The following CFAP99 variants were observed in gnomAD, a reference collection of about 807,000 sequenced individuals.
CFAP99 encodes cilia- and flagella-associated protein 99.
CFAP99 carries 84 observed loss-of-function variants against 82.7 expected under a neutral mutation model. The ratio of observed to expected loss-of-function variants is 1.02; its 90% CI spans 0.85 to 1.22. The LOEUF is 1.22. Ranked by LOEUF, CFAP99 falls within the 50% of genes most tolerant of loss-of-function variation. The pLI, the probability that CFAP99 is intolerant of heterozygous loss-of-function variation, is 0.00. For missense variants in CFAP99, 1,059 were observed against 983.5 expected (o/e 1.08, Z -1.03); for synonymous variants, 456 against 429.5 (o/e 1.06, Z -0.76).
intron 8 of CFAP99, 74 bp downstream of exon 8, chr4:2,450,079 C>T: frequency 7.1e-7 from 1 of 1,408,668 alleles, no homozygotes; most frequent in South Asian, 1.2e-5. Flanking sequence ...CCTCCCAACG[C>T]CATCGCAGTG....
chr4:2,460,213 T>C (rs1207778073), exon 14 of CFAP99: 3 of 1,535,868 alleles, frequency 2.0e-6, no homozygotes, highest in Non-Finnish European at 2.6e-6. Flanking sequence ...CGCTGTGCCG[T>C]GCAGCCATGG....
At chr4:2,447,353 G>T (rs1025078062) in intron 6 of CFAP99, among the ~76,000 whole-genome samples, 2 of 152,020 alleles carry the variant, frequency 1.3e-5, no homozygotes, top group Admixed American at 6.6e-5. Context: ...TGGGTGGATG[G>T]GTGGATGGAT....
chr4:2,435,413 T>G (rs1240360754), intron 2 of CFAP99, among the ~76,000 whole-genome samples: 1 of 152,110 alleles, frequency 6.6e-6, no homozygotes, highest in Non-Finnish European at 1.5e-5. Context: ...TATACAAAGT[T>G]AAAAGGCAAA....
intron 2 of CFAP99, among the ~76,000 whole-genome samples, chr4:2,430,783 A>G (rs1223530148): frequency 6.6e-6 from 1 of 152,186 alleles, no homozygotes; most frequent in Non-Finnish European, 1.5e-5. Flanking sequence ...TCTAAAAGAA[A>G]AAAAATGAGC....
exon 3 of CFAP99, chr4:2,437,016 A>T (rs1733930275): frequency 1.3e-6 from 2 of 1,535,894 alleles, no homozygotes; most frequent in East Asian, 4.9e-5. Flanking sequence ...AGCCGCTTCG[A>T]GGGTAGGTGC....
chr4:2,459,582 G>A (rs148215244), intron 13 of CFAP99, among the ~76,000 whole-genome samples: 24 of 152,324 alleles, frequency 1.6e-4, no homozygotes, highest in African/African-American at 3.8e-4. Context: ...TAGGGAGAGC[G>A]CAGGTGTTTT....
intron 3 of CFAP99, 49 bp downstream of exon 3, chr4:2,437,067 C>G (rs1423538526): frequency 6.5e-7 from 1 of 1,532,070 alleles, no homozygotes; most frequent in African/African-American, 1.4e-5. Context: ...ACGGTTCACT[C>G]AGGCTCTCTG....
At chr4:2,431,864 G>A (rs1176875866) in intron 2 of CFAP99, among the ~76,000 whole-genome samples, 2 of 151,918 alleles carry the variant, frequency 1.3e-5, no homozygotes, top group Non-Finnish European at 2.9e-5. Context: ...TTACAGGCAC[G>A]AGCCACCACA....
At chr4:2,442,005 G>A (rs1734052619) in intron 4 of CFAP99, among the ~76,000 whole-genome samples, 1 of 152,124 alleles carries the variant, frequency 6.6e-6, no homozygotes, top group Non-Finnish European at 1.5e-5. Flanking sequence ...GGCAGAGGGG[G>A]AGTCAGACCC....
Position 2,436,793 on chromosome 4 carries a change from C to T in CFAP99, c.112-81C>T, listed in dbSNP as rs368769575. ...AGCCCCGGGGCCGCTCCACCCCTGC[C>T]TTTGCCCAAGTGTCCCACCCCCACC... is the stretch of plus-strand genomic sequence containing the variant. On this transcript the variant is annotated intron_variant, in intron 2 of 14. Transcript: ENST00000635017. 5,376 of 1,202,064 alleles carry T rather than the reference C, an allele frequency of 4.5e-3. 39 individuals carry two copies. The highest frequency in any genetic ancestry group is 5.5e-3 in the Middle Eastern group (21 of 3,810). The allele number at this position is 1,202,064 out of a possible 1,614,324, so 74.5% of individuals were successfully genotyped here. A position where few individuals can be genotyped will look rare whatever the true frequency, so the allele number is the denominator to read the frequency against.
At chr4:2,451,492 G>A (rs1578479425) in intron 10 of CFAP99, 140 bp downstream of exon 10, 1 of 717,342 alleles carries the variant, frequency 1.4e-6, no homozygotes, top group East Asian at 2.7e-5. Flanking sequence ...TGCAGCAACA[G>A]GGGCGACAAG....
exon 14 of CFAP99, chr4:2,460,195 G>A: frequency 6.5e-7 from 1 of 1,536,154 alleles, no homozygotes. Flanking sequence ...ACATGGTGGA[G>A]CAGATCTCGC....
chr4:2,453,172 G>T (rs1275337329), intron 11 of CFAP99, among the ~76,000 whole-genome samples: 1 of 152,148 alleles, frequency 6.6e-6, no homozygotes, highest in Non-Finnish European at 1.5e-5. Context: ...ACCTTCCTTT[G>T]TTGGTCCTTC....
chr4:2,454,039 C>T (rs962273953), intron 11 of CFAP99, among the ~76,000 whole-genome samples: 1 of 152,010 alleles, frequency 6.6e-6, no homozygotes, highest in Non-Finnish European at 1.5e-5. Context: ...TGCTCTGTCG[C>T]CCGGGCTGGA....
intron 14 of CFAP99, 109 bp downstream of exon 14, chr4:2,460,351 C>T: frequency 1.0e-6 from 1 of 975,540 alleles, no homozygotes; most frequent in Non-Finnish European, 1.5e-6. Flanking sequence ...CACCCTCCTG[C>T]CCAGGAAGTT....
At chr4:2,434,115 G>A (rs939357706) in intron 2 of CFAP99, among the ~76,000 whole-genome samples, 16 of 152,236 alleles carry the variant, frequency 1.1e-4, no homozygotes, top group African/African-American at 3.9e-4. Context: ...TGCGCCGCAA[G>A]GTTGGCAGGG....
intron 3 of CFAP99, among the ~76,000 whole-genome samples, 178 bp from the exon 4 acceptor site, chr4:2,437,892 T>C (rs1247509177): frequency 2.0e-5 from 3 of 152,210 alleles, no homozygotes; most frequent in African/African-American, 7.2e-5. Context: ...CACAAATGCA[T>C]TGCACTCTAA....
chr4:2,460,018 C>G lies in CFAP99; in HGVS notation c.1456-19C>G, dbSNP rs774744816. The G allele has an allele frequency of 6.5e-7, 1 of 1,534,904 alleles. No individual in the cohort carries two copies. ...CCCAGCACAGCTCCCAGCTTGGGGC[C>G]TCCCCTACCACCCCACAGATCCCCG... On this transcript the variant is annotated intron_variant, in intron 13 of 14. Coordinates refer to ENST00000635017, the Ensembl canonical transcript of CFAP99.
Position 2,431,583 on chromosome 4 carries a change from C to T in CFAP99, c.111+4997C>T, listed in dbSNP as rs530503331. On this transcript the variant is annotated intron_variant, in intron 2 of 14. Transcript: ENST00000635017. ...TCTTGCTATGAGAGTAATTGGCTCT[C>T]GTGCTTTCAATGTGGATTGCCAGTT... Among the ~76,000 whole-genome samples the T allele has an allele frequency of 3.3e-5, 5 of 152,224 alleles. No individual in the cohort carries two copies. In the South Asian group the frequency reaches 6.2e-4, roughly 19 times the overall value.
Sources: allele counts gnomAD v4.1 joint callset (sites outside exome capture counted in the v4.1 genomes callset), GRCh38; gene constraint gnomAD v4.1.1; transcripts MANE v1.5; gene names NCBI Gene and HGNC (gene_info 2026-07-23, HGNC 2026-07-21).